The following NARS2 variants were observed in gnomAD, a reference collection of about 807,000 sequenced individuals.
NARS2 encodes the protein asparaginyl-tRNA synthetase 2, mitochondrial, also known as asparaginyl-tRNA synthetase.
A neutral mutation model predicts 62.9 loss-of-function variants in NARS2; 60 were observed. The observed-to-expected ratio is 0.95, with a 90% CI of 0.77 to 1.18. The LOEUF (loss-of-function observed/expected upper bound fraction) is 1.18, where lower values mean the gene tolerates loss of function less well. NARS2 is among the 50% of genes most tolerant of loss of function. The pLI, the probability that NARS2 is intolerant of heterozygous loss-of-function variation, is 0.00. For synonymous variants in NARS2, 196 were observed against 200.0 expected (o/e 0.98, Z 0.17); for missense variants, 619 against 576.4 (o/e 1.07, Z -0.76).
intron 10 of NARS2, among the ~76,000 whole-genome samples, chr11:78,468,411 CT>C (rs112260820): frequency 1.3e-3 from 173 of 132,430 alleles, no homozygotes; most frequent in Admixed American, 1.4e-3. Flanking sequence ...TGTTGGTCAT[CT>C]TTTTTTTTTT....
At chr11:78,530,263 T>C (rs751421109) in intron 5 of NARS2, among the ~76,000 whole-genome samples, 2 of 152,188 alleles carry the variant, frequency 1.3e-5, no homozygotes, top group Non-Finnish European at 1.5e-5. Flanking sequence ...ATGTTAAGAT[T>C]TTAAAATAAA....
In NARS2 at chr11:78,450,663, TGTC is replaced by T. The variant is rs148114785; in HGVS notation, c.1165-6908_1165-6906del. ...TCTGAAGAAAAGCCCACAAAAGCCT[TGTC>T]TTTTTTTTTTTTTTTTTTTTTTTCC... On this transcript the variant is annotated intron_variant, in intron 11 of 13. Transcript: ENST00000281038. Among the ~76,000 whole-genome samples, 380 of 148,128 alleles carry T rather than the reference TGTC, an allele frequency of 2.6e-3. 1 individual carries two copies. The highest frequency in any genetic ancestry group is 4.5e-3 in the Non-Finnish European group (303 of 67,412).
intron 6 of NARS2, among the ~76,000 whole-genome samples, chr11:78,512,565 C>T (rs1488911200): frequency 1.3e-5 from 2 of 151,884 alleles, no homozygotes; most frequent in East Asian, 1.9e-4. Context: ...AGTGGAGGCT[C>T]GGTCATTAAG....
In NARS2 at chr11:78,571,973, G is replaced by A. The variant is rs562685748; in HGVS notation, c.142-529C>T. Among the ~76,000 whole-genome samples the A allele has an allele frequency of 1.2e-3, 183 of 151,626 alleles. 1 individual carries two copies. Among genetic ancestry groups the A allele is most frequent in the African/African-American group, 4.1e-3 (172 of 41,472 alleles). ...GAGAAGGACGGATCACTTGAGGTCG[G>A]GAGTTTGAGACCAGCCTGGCCAACA... On this transcript the variant is annotated intron_variant, in intron 1 of 13. Coordinates refer to ENST00000281038, the MANE Select transcript of NARS2 (RefSeq NM_024678.6).
At chr11:78,472,825 T>C (rs1288252626) in intron 9 of NARS2, among the ~76,000 whole-genome samples, 4 of 152,204 alleles carry the variant, frequency 2.6e-5, no homozygotes, top group Non-Finnish European at 4.4e-5. Flanking sequence ...GCCAATGCCT[T>C]AAAAGGCATG....
chr11:78,473,022 C>A (rs957304897), intron 9 of NARS2, among the ~76,000 whole-genome samples: 1 of 152,160 alleles, frequency 6.6e-6, no homozygotes, highest in East Asian at 1.9e-4. Context: ...CTAAAGCAGC[C>A]GGGTGTGGTG....
chr11:78,528,114 T>C (rs1307852530), intron 6 of NARS2, among the ~76,000 whole-genome samples: 4 of 152,110 alleles, frequency 2.6e-5, no homozygotes, highest in Non-Finnish European at 5.9e-5. Flanking sequence ...TATATACCTG[T>C]AGTCCCAGCT....
In NARS2 at chr11:78,493,526, C is replaced by T. The variant is rs544132874; in HGVS notation, c.690-331G>A. Among the ~76,000 whole-genome samples, 4 of 152,142 alleles carry T rather than the reference C, an allele frequency of 2.6e-5. No homozygotes were observed. In the South Asian group the frequency reaches 8.3e-4, roughly 32 times the overall value. On this transcript the variant is annotated intron_variant, in intron 6 of 13. Transcript: ENST00000281038. The stretch of plus-strand genomic sequence containing the variant: ...CCTTTAAAATAGCTAGGTGTGATGG[C>T]CTGTGCCTATAGGTCCAGCTACTTG...
intron 6 of NARS2, among the ~76,000 whole-genome samples, chr11:78,521,136 T>C (rs112494088): frequency 0.03 from 4,517 of 150,706 alleles, 121 homozygotes; most frequent in Admixed American, 0.079. Flanking sequence ...GTCAACATTA[T>C]ATCAATTTGT....
At chr11:78,559,719 T>C in intron 4 of NARS2, 100 bp from the exon 5 acceptor site, 1 of 770,028 alleles carries the variant, frequency 1.3e-6, no homozygotes, top group Non-Finnish European at 2.2e-6. Flanking sequence ...AAGCAGATGC[T>C]GTATCAAATC....
intron 7 of NARS2, among the ~76,000 whole-genome samples, chr11:78,481,105 GCCA>G (rs1485082645): frequency 6.6e-6 from 1 of 151,838 alleles, no homozygotes; most frequent in Non-Finnish European, 1.5e-5. Flanking sequence ...ACAGGCATGA[GCCA>G]CCACACCTGG....
At chr11:78,473,296 G>C (rs1245761330) in intron 9 of NARS2, among the ~76,000 whole-genome samples, 1 of 152,178 alleles carries the variant, frequency 6.6e-6, no homozygotes, top group Non-Finnish European at 1.5e-5. Context: ...TCAGTTCTAA[G>C]GTAACAGGTA....
chr11:78,573,313 G>A (rs982007574), intron 1 of NARS2: 1 of 152,250 alleles, frequency 6.6e-6, no homozygotes, highest in Non-Finnish European at 1.5e-5. Flanking sequence ...GAAGGAGGAG[G>A]ACTGCTTGAG....
chr11:78,550,708 G>A (rs922920989), intron 5 of NARS2, among the ~76,000 whole-genome samples: 1 of 151,988 alleles, frequency 6.6e-6, no homozygotes, highest in Non-Finnish European at 1.5e-5. Flanking sequence ...TTGAACTTAA[G>A]GTTTACAACA....
chr11:78,574,305 A>AT, intron 1 of NARS2, 43 bp downstream of exon 1: 1 of 1,613,240 alleles, frequency 6.2e-7, no homozygotes, highest in Non-Finnish European at 8.5e-7. Flanking sequence ...TGCCATATAA[A>AT]AGTCCCTACA....
intron 11 of NARS2, among the ~76,000 whole-genome samples, chr11:78,464,043 C>T (rs1376538862): frequency 6.6e-6 from 1 of 152,110 alleles, no homozygotes; most frequent in Non-Finnish European, 1.5e-5. Context: ...AAAGGCGGCG[C>T]GTCCGGAGTT....
chr11:78,451,347 A>G (rs1857965485), intron 11 of NARS2, among the ~76,000 whole-genome samples: 1 of 152,236 alleles, frequency 6.6e-6, no homozygotes, highest in Non-Finnish European at 1.5e-5. Flanking sequence ...GCTAGTTACT[A>G]GAAAAACTAC....
chr11:78,564,512 T>C (rs1294278489), intron 4 of NARS2, among the ~76,000 whole-genome samples: 1 of 151,138 alleles, frequency 6.6e-6, no homozygotes, highest in South Asian at 2.1e-4. Flanking sequence ...TTTATTTCAA[T>C]TTTTTTTTAG....
At chr11:78,498,105 T>C (rs1039597610) in intron 6 of NARS2, among the ~76,000 whole-genome samples, 1 of 152,166 alleles carries the variant, frequency 6.6e-6, no homozygotes, top group African/African-American at 2.4e-5. Flanking sequence ...CACCAACACA[T>C]AGGTCCCAAG....
Sources: gnomAD v4.1 joint callset for allele counts (sites outside exome capture counted in the v4.1 genomes callset) on GRCh38, gnomAD v4.1.1 for gene constraint, MANE v1.5 for transcripts, NCBI Gene and HGNC (gene_info 2026-07-23, HGNC 2026-07-21) for gene names.